PIGL: variants seen among roughly 807,000 people sequenced by gnomAD.
PIGL encodes phosphatidylinositol glycan anchor biosynthesis class L.
A neutral mutation model predicts 31.1 loss-of-function variants in PIGL; 22 were observed. The observed-to-expected ratio is 0.71, with a 90% CI of 0.51 to 1.01. The LOEUF (loss-of-function observed/expected upper bound fraction) is 1.01, where lower values mean the gene tolerates loss of function less well. Among genes scored for constraint, PIGL ranks in the 50% least tolerant of loss-of-function variants. PIGL has a pLI of 0.00. For synonymous variants in PIGL, 131 were observed against 117.4 expected, an observed-to-expected ratio of 1.12 and a Z score of -0.75; for missense variants, 302 against 315.9, an observed-to-expected ratio of 0.96 and a Z score of 0.33.
At chr17:16,283,006 AT>A (rs34456796) in intron 2 of PIGL, among the ~76,000 whole-genome samples, 61,894 of 146,544 alleles carry the variant, frequency 0.42, 13,482 homozygotes, top group East Asian at 0.75. Context: ...CCAAAAAAGA[AT>A]TTTTTTTTTT....
chr17:16,243,716 A>G (rs12952432), intron 2 of PIGL, among the ~76,000 whole-genome samples: 1 of 152,198 alleles, frequency 6.6e-6, no homozygotes, highest in Non-Finnish European at 1.5e-5. Flanking sequence ...GTTTTCAAAG[A>G]TGATATCCCA....
At chr17:16,318,739 T>A (rs1262900850) in intron 6 of PIGL, among the ~76,000 whole-genome samples, 2 of 150,830 alleles carry the variant, frequency 1.3e-5, no homozygotes, top group South Asian at 4.3e-4. Flanking sequence ...AAGACCAGCC[T>A]GGCCAACATG....
At chr17:16,314,723 G>A (rs958778040) in intron 4 of PIGL, among the ~76,000 whole-genome samples, 2 of 152,116 alleles carry the variant, frequency 1.3e-5, no homozygotes, top group Admixed American at 6.5e-5. Flanking sequence ...GCTCCTAGTC[G>A]CATTAGGTCC....
intron 1 of PIGL, among the ~76,000 whole-genome samples, chr17:16,221,803 T>C (rs1029103959): frequency 1.3e-5 from 2 of 152,152 alleles, no homozygotes; most frequent in Non-Finnish European, 2.9e-5. Context: ...GTGTTTTTAG[T>C]AGAGACAGGG....
At chr17:16,293,400 C>T (rs1314568399) in intron 2 of PIGL, among the ~76,000 whole-genome samples, 3 of 152,144 alleles carry the variant, frequency 2.0e-5, no homozygotes, top group East Asian at 1.9e-4. Context: ...TGGTGGCGGG[C>T]GCCTGTAGTC....
chr17:16,233,909 G>A, intron 1 of PIGL, 62 bp from the exon 2 acceptor site: 2 of 812,910 alleles, frequency 2.5e-6, no homozygotes, highest in Non-Finnish European at 4.2e-6. Flanking sequence ...AAGAATGAGT[G>A]AATAGATAGG....
At chr17:16,266,876 C>A (rs1002907948) in intron 2 of PIGL, among the ~76,000 whole-genome samples, 2 of 138,844 alleles carry the variant, frequency 1.4e-5, no homozygotes, top group Admixed American at 7.5e-5. Context: ...GGATTACAGG[C>A]GTGAGCCACC....
intron 6 of PIGL, among the ~76,000 whole-genome samples, chr17:16,318,483 C>T (rs1252938175): frequency 6.6e-6 from 1 of 151,276 alleles, no homozygotes; most frequent in African/African-American, 2.4e-5. Context: ...GTTGGCCAGG[C>T]TTGTCTCGAC....
chr17:16,228,686 C>T (rs1043242395), intron 1 of PIGL, among the ~76,000 whole-genome samples: 2 of 152,232 alleles, frequency 1.3e-5, no homozygotes, highest in Admixed American at 6.5e-5. Flanking sequence ...CCACGCCCGG[C>T]GATTTTAAAC....
At chr17:16,220,462 G>A (rs1600734438) in intron 1 of PIGL, among the ~76,000 whole-genome samples, 1 of 134,164 alleles carries the variant, frequency 7.5e-6, no homozygotes. Context: ...TTCTTTATTT[G>A]TGTTTTTTTA....
chr17:16,245,894 G>A (rs894101925), intron 2 of PIGL, among the ~76,000 whole-genome samples: 4 of 150,702 alleles, frequency 2.7e-5, no homozygotes, highest in Admixed American at 2.0e-4. Flanking sequence ...ATCTCAGCTC[G>A]CTTCAAGCTC....
chr17:16,316,731 G>A lies in PIGL; in HGVS notation c.526+19G>A. 6.2e-7 allele frequency: 1 copy of A among 1,609,966 alleles called. No homozygotes were observed. The highest frequency in any genetic ancestry group is 8.5e-7 in the Non-Finnish European group (1 of 1,176,564). On this transcript the variant is annotated intron_variant, in intron 5 of 6. Transcript: ENST00000225609. ...CCTAAAGGTAAGGCTTGTTCCTTTT[G>A]CAAAGGGCCACAAGATACTGTCCCT...
At chr17:16,226,370 T>C (rs544357230) in intron 1 of PIGL, among the ~76,000 whole-genome samples, 6 of 152,310 alleles carry the variant, frequency 3.9e-5, no homozygotes, top group Non-Finnish European at 7.4e-5. Flanking sequence ...GGTATATCCA[T>C]GTGACCTGGG....
intron 3 of PIGL, among the ~76,000 whole-genome samples, chr17:16,303,903 A>G (rs1219209411): frequency 6.6e-6 from 1 of 151,814 alleles, no homozygotes; most frequent in Non-Finnish European, 1.5e-5. Context: ...TTTAGTAGAG[A>G]CGGGGTTTCG....
chr17:16,221,436 G>A (rs2092628445), intron 1 of PIGL, among the ~76,000 whole-genome samples: 1 of 150,230 alleles, frequency 6.7e-6, no homozygotes, highest in South Asian at 2.1e-4. Context: ...ATAGGCGTGT[G>A]CCAGCACACC....
At chr17:16,313,744 C>G in intron 4 of PIGL, 130 bp downstream of exon 4, 2 of 741,592 alleles carry the variant, frequency 2.7e-6, no homozygotes, top group Non-Finnish European at 4.8e-6. Flanking sequence ...TATCTTCTAG[C>G]CCTTTTTGGC....
At chr17:16,323,514 G>A (rs1052144537) in intron 6 of PIGL, among the ~76,000 whole-genome samples, 2 of 151,878 alleles carry the variant, frequency 1.3e-5, no homozygotes, top group African/African-American at 4.8e-5. Flanking sequence ...GATTACGGGT[G>A]TGGGCCACTG....
Position 16,237,147 on chromosome 17 carries a change from G to A in PIGL, c.335+3077G>A, listed in dbSNP as rs780571787. 5.1e-4 allele frequency among the ~76,000 whole-genome samples: 63 copies of A among 123,256 alleles called. 2 individuals carry two copies. Among genetic ancestry groups the A allele is most frequent in the Non-Finnish European group, 4.8e-4 (30 of 62,636 alleles). The allele number at this position is 123,256 out of a possible 152,430, so 80.9% of individuals were successfully genotyped here. A position where few individuals can be genotyped will look rare whatever the true frequency, so the allele number is the denominator to read the frequency against. Reference sequence around the variant, plus strand: ...TTTTGAGATGGAGTCTTGCTGTGTCGCCCAGGCTGGAGTGCAGTGGTGCCA... The same window carrying A: ...TTTTGAGATGGAGTCTTGCTGTGTCACCCAGGCTGGAGTGCAGTGGTGCCA... On this transcript the variant is annotated intron_variant, in intron 2 of 6. Transcript: ENST00000225609.
intron 1 of PIGL, among the ~76,000 whole-genome samples, chr17:16,228,598 C>CAGG (rs2092664084): frequency 2.0e-5 from 3 of 151,172 alleles, no homozygotes; most frequent in Non-Finnish European, 4.4e-5. Context: ...CCGTGTTAGC[C>CAGG]AGGATGGTCT....
Sources: allele counts gnomAD v4.1 joint callset (sites outside exome capture counted in the v4.1 genomes callset), GRCh38; gene constraint gnomAD v4.1.1; transcripts MANE v1.5; gene names NCBI Gene and HGNC (gene_info 2026-07-23, HGNC 2026-07-21).